The following RANBP2 variants were observed in gnomAD, a reference collection of about 807,000 sequenced individuals.
RANBP2 encodes E3 SUMO-protein ligase RanBP2.
Under a neutral mutation model 303.6 loss-of-function variants are expected in RANBP2, and 57 were observed. The observed-to-expected ratio is 0.19, with a 90% CI of 0.15 to 0.23. The LOEUF is 0.23. RANBP2 is among the 10% of genes least tolerant of loss of function. The pLI, the probability that RANBP2 is intolerant of heterozygous loss-of-function variation, is 1.00. For synonymous variants in RANBP2, 1,167 were observed against 1,301.5 expected, an observed-to-expected ratio of 0.90 and a Z score of 2.23; for missense variants, 3,138 against 3,780.8, an observed-to-expected ratio of 0.83 and a Z score of 4.46.
the RANBP2 span, among the ~76,000 whole-genome samples, chr2:108,967,953 G>C: frequency 6.6e-6 from 1 of 152,174 alleles, no homozygotes; most frequent in African/African-American, 2.4e-5. Context: ...GAGGGCCCCA[G>C]CCACAGGGGT....
At chr2:108,966,725 A>G in the RANBP2 span, among the ~76,000 whole-genome samples, 1 of 152,238 alleles carries the variant, frequency 6.6e-6, no homozygotes. Context: ...GGGCTTCCCA[A>G]GCTACTGAGC....
At chr2:109,566,040 T>C in the RANBP2 span, among the ~76,000 whole-genome samples, 1 of 152,154 alleles carries the variant, frequency 6.6e-6, no homozygotes, top group Non-Finnish European at 1.5e-5. Flanking sequence ...ACAAGAGTCA[T>C]CTTTGGGCCC....
the RANBP2 span, among the ~76,000 whole-genome samples, chr2:109,431,212 T>C: frequency 1.3e-5 from 2 of 152,212 alleles, no homozygotes; most frequent in African/African-American, 2.4e-5. Context: ...AGATGCACTG[T>C]GTGCACAAGC....
chr2:109,317,203 G>A, the RANBP2 span, among the ~76,000 whole-genome samples: 7 of 132,266 alleles, frequency 5.3e-5, no homozygotes, highest in East Asian at 4.3e-4. Context: ...TGGGGTTTTC[G>A]GGACCCCAGC....
At chr2:109,690,992 G>T in the RANBP2 span, among the ~76,000 whole-genome samples, 1 of 152,140 alleles carries the variant, frequency 6.6e-6, no homozygotes, top group African/African-American at 2.4e-5. Context: ...AGCCAGTTCT[G>T]CAGGTTTGAC....
At chr2:109,042,001 G>A in the RANBP2 span, among the ~76,000 whole-genome samples, 297 of 152,166 alleles carry the variant, frequency 2.0e-3, no homozygotes, top group African/African-American at 6.6e-3. Context: ...CTTATGATAC[G>A]TTTTTATCTA....
chr2:109,526,195 G>T, the RANBP2 span, among the ~76,000 whole-genome samples: 1 of 152,158 alleles, frequency 6.6e-6, no homozygotes, highest in Admixed American at 6.5e-5. Context: ...CACCCTCTGA[G>T]ACCTCAAATT....
the RANBP2 span, among the ~76,000 whole-genome samples, chr2:109,656,762 T>C: frequency 6.6e-6 from 1 of 152,266 alleles, no homozygotes. Context: ...CGTTAATGAA[T>C]GTCATGTGAG....
At chr2:109,529,354 C>T in the RANBP2 span, among the ~76,000 whole-genome samples, 1 of 152,112 alleles carries the variant, frequency 6.6e-6, no homozygotes, top group Non-Finnish European at 1.5e-5. Flanking sequence ...GTAGAGTGAC[C>T]AGCGGTGTCC....
At chr2:109,488,683 C>T in the RANBP2 span, among the ~76,000 whole-genome samples, 10 of 152,324 alleles carry the variant, frequency 6.6e-5, no homozygotes, top group African/African-American at 2.4e-4. Flanking sequence ...AGTTGTGCCG[C>T]CAACAAGAGT....
chr2:108,731,736 G>T (rs1372647589), intron 4 of RANBP2: 2 of 558,530 alleles, frequency 3.6e-6, no homozygotes. Context: ...TGTAAACTAA[G>T]TAGAGCTAAG....
At chr2:109,679,986 G>A in the RANBP2 span, among the ~76,000 whole-genome samples, 43 of 152,164 alleles carry the variant, frequency 2.8e-4, no homozygotes, top group Middle Eastern at 3.4e-3. Flanking sequence ...TGTATGCTTC[G>A]TGAAAGACAG....
intron 7 of RANBP2, among the ~76,000 whole-genome samples, chr2:108,741,606 C>A (rs1440686183): frequency 7.2e-6 from 1 of 137,984 alleles, no homozygotes; most frequent in Non-Finnish European, 1.5e-5. Context: ...CCCGAGTTCA[C>A]GCCATTTTCC....
the RANBP2 span, among the ~76,000 whole-genome samples, chr2:109,031,479 A>C: frequency 6.6e-6 from 1 of 152,214 alleles, no homozygotes; most frequent in Non-Finnish European, 1.5e-5. Context: ...ACTGGGCTTC[A>C]ATCAGTAGCA....
chr2:108,994,680 C>T, the RANBP2 span, among the ~76,000 whole-genome samples: 4 of 151,396 alleles, frequency 2.6e-5, no homozygotes, highest in Non-Finnish European at 5.9e-5. Flanking sequence ...ATCATGGCTC[C>T]GGGGAAAGGG....
chr2:109,148,357 G>A, the RANBP2 span, among the ~76,000 whole-genome samples: 3 of 152,334 alleles, frequency 2.0e-5, no homozygotes, highest in East Asian at 5.8e-4. Flanking sequence ...GGTTCTTCAT[G>A]TCACTATGGC....
At chr2:109,170,294 CT>C in the RANBP2 span, among the ~76,000 whole-genome samples, 60 of 129,134 alleles carry the variant, frequency 4.6e-4, 1 homozygote, top group East Asian at 4.5e-3. Context: ...CTTCTCTTCT[CT>C]TCTCTTCTCT....
chr2:108,970,387 G>C, the RANBP2 span, among the ~76,000 whole-genome samples: 1 of 152,150 alleles, frequency 6.6e-6, no homozygotes, highest in Non-Finnish European at 1.5e-5. Context: ...GAGAACCTGG[G>C]AGCCCAGAGT....
chr2:109,614,586 G>A, the RANBP2 span: 1 of 1,414,896 alleles, frequency 7.1e-7, no homozygotes. Flanking sequence ...CCTGCACGCC[G>A]AGCTGGTGCA....
Sources: allele counts gnomAD v4.1 joint callset (sites outside exome capture counted in the v4.1 genomes callset), GRCh38; gene constraint gnomAD v4.1.1; transcripts MANE v1.5; gene names NCBI Gene and HGNC (gene_info 2026-07-23, HGNC 2026-07-21).